KLRD1: variants seen among roughly 807,000 people sequenced by gnomAD.
KLRD1 encodes the protein killer cell lectin like receptor D1, also known as natural killer cells antigen CD94.
Under a neutral mutation model 22.6 loss-of-function variants are expected in KLRD1, and 21 were observed. That is an observed-to-expected ratio of 0.93 (90% confidence interval 0.66 to 1.34). The LOEUF is 1.34. Ranked by LOEUF, KLRD1 falls within the 40% of genes most tolerant of loss-of-function variation. The pLI, the probability that KLRD1 is intolerant of heterozygous loss-of-function variation, is 0.00. For synonymous variants in KLRD1, 59 were observed against 71.1 expected (o/e 0.83, Z 0.85); for missense variants, 183 against 208.6 (o/e 0.88, Z 0.76).
chr12:10,286,860 C>A (rs1335677177), intron 1 of KLRD1, among the ~76,000 whole-genome samples: 1 of 151,844 alleles, frequency 6.6e-6, no homozygotes, highest in African/African-American at 2.4e-5. Flanking sequence ...CACTGGGCAC[C>A]AGGTGCAGTG....
intron 1 of KLRD1, among the ~76,000 whole-genome samples, chr12:10,259,646 C>T (rs997266131): frequency 2.6e-5 from 4 of 152,198 alleles, no homozygotes; most frequent in Admixed American, 6.5e-5. Flanking sequence ...TTTGAGGTCT[C>T]ATCTGAGATC....
rs890768104 is a variant in KLRD1 at position 10,317,749 on chromosome 12, A to G, written c.*2956A>G. ...TGTATTAGTCCGTTCTTATGCTGCT[A>G]CTAAAGATATACCCAAGACTGGGAA... On this transcript the variant is annotated 3_prime_UTR_variant, in exon 6 of 6. Coordinates refer to ENST00000336164, the MANE Select transcript of KLRD1 (RefSeq NM_002262.5). 2 of 152,166 alleles carry G rather than the reference A, an allele frequency of 1.3e-5. No individual in the cohort carries two copies. Among genetic ancestry groups the G allele is most frequent in the Non-Finnish European group, 2.9e-5 (2 of 68,032 alleles). 9.4% of individuals were successfully genotyped at this position (152,166 alleles called of 1,614,324 possible).
At chr12:10,265,152 T>C (rs1335156438) in intron 1 of KLRD1, among the ~76,000 whole-genome samples, 2 of 152,168 alleles carry the variant, frequency 1.3e-5, no homozygotes, top group African/African-American at 4.8e-5. Flanking sequence ...CTAGAAATTA[T>C]TTTTTACTTT....
chr12:10,294,139 T>A (rs979300066), intron 1 of KLRD1, among the ~76,000 whole-genome samples: 1 of 152,238 alleles, frequency 6.6e-6, no homozygotes, highest in African/African-American at 2.4e-5. Flanking sequence ...TCTTTCTTGA[T>A]GAATATGGAC....
intron 1 of KLRD1, among the ~76,000 whole-genome samples, chr12:10,298,896 T>A (rs2137674679): frequency 6.6e-6 from 1 of 152,320 alleles, no homozygotes; most frequent in South Asian, 2.1e-4. Context: ...GACCCCAGAT[T>A]TCCCACTCCA....
At chr12:10,299,632 C>T (rs1013660621), upstream of KLRD1, among the ~76,000 whole-genome samples, 1 of 152,104 alleles carries the variant, frequency 6.6e-6, no homozygotes, top group Non-Finnish European at 1.5e-5. Context: ...GGTGGAGGGT[C>T]TTGTCTTAAT....
chr12:10,248,583 T>TTCCC (rs1274421037), intron 1 of KLRD1, among the ~76,000 whole-genome samples: 1 of 135,176 alleles, frequency 7.4e-6, no homozygotes, highest in Non-Finnish European at 1.6e-5. Context: ...CCTTCCTTCC[T>TTCCC]TCCCTTCTTT....
upstream of KLRD1, among the ~76,000 whole-genome samples, chr12:10,301,163 A>T (rs1481310423): frequency 2.0e-5 from 3 of 152,230 alleles, no homozygotes; most frequent in Non-Finnish European, 4.4e-5. Flanking sequence ...GCAATGATTA[A>T]GCCAGCTTGT....
chr12:10,276,429 G>A (rs965286074), intron 1 of KLRD1, among the ~76,000 whole-genome samples: 1 of 152,010 alleles, frequency 6.6e-6, no homozygotes, highest in South Asian at 2.1e-4. Flanking sequence ...TATCCTTTTG[G>A]CCTTTGCTCA....
At chr12:10,268,785 T>G (rs1027389508) in intron 1 of KLRD1, among the ~76,000 whole-genome samples, 1 of 152,228 alleles carries the variant, frequency 6.6e-6, no homozygotes, top group Non-Finnish European at 1.5e-5. Context: ...TGAAAGATAA[T>G]ATTTGCTGAA....
intron 3 of KLRD1, among the ~76,000 whole-genome samples, chr12:10,310,083 T>C (rs1166977801): frequency 1.3e-5 from 2 of 152,210 alleles, no homozygotes; most frequent in Non-Finnish European, 2.9e-5. Context: ...TTTCTAAACC[T>C]TACTTATCCA....
At chr12:10,260,230 A>G (rs1254062195) in intron 1 of KLRD1, among the ~76,000 whole-genome samples, 2 of 152,190 alleles carry the variant, frequency 1.3e-5, no homozygotes, top group African/African-American at 4.8e-5. Context: ...TTGTCAATCA[A>G]TAATCATATA....
At position 10,314,772 on chromosome 12, in the gene KLRD1, C is replaced by T; in HGVS notation, c.519C>T (p.Ile173=). The change falls in exon 6 of 6, where the codon ATC becomes ATT. Residue 173 remains isoleucine, a synonymous_variant. Coordinates refer to ENST00000336164, the MANE Select transcript of KLRD1 (RefSeq NM_002262.5). ...DESCEDKNRY[I]CKQQLI The stretch of plus-strand genomic sequence containing the variant: ...CCTGTGAAGATAAAAATCGTTATAT[C>T]TGTAAGCAACAGCTCATTTAAATGT... 1.2e-6 allele frequency: 2 copies of T among 1,605,904 alleles called. No homozygotes were observed. Among genetic ancestry groups the T allele is most frequent in the Non-Finnish European group, 1.7e-6 (2 of 1,177,464 alleles).
In KLRD1 at chr12:10,327,177, C is replaced by T. The variant is rs1950368986; in HGVS notation, c.*12384C>T. The T allele has an allele frequency of 6.6e-6, 1 of 152,166 alleles. No individual in the cohort carries two copies. Among genetic ancestry groups the T allele is most frequent in the Admixed American group, 6.5e-5 (1 of 15,278 alleles). The allele number at this position is 152,166 out of a possible 1,614,324, so 9.4% of individuals were successfully genotyped here. ...AAACTGTCATTTCCCCTTAAATAGT[C>T]CTGCCACCCAAAGACCGTTTAACCA... is the stretch of plus-strand genomic sequence containing the variant. On this transcript the variant is annotated 3_prime_UTR_variant, in exon 6 of 6. Coordinates refer to ENST00000336164, the MANE Select transcript of KLRD1 (RefSeq NM_002262.5).
At chr12:10,292,033 A>G (rs1195444053) in intron 1 of KLRD1, among the ~76,000 whole-genome samples, 1 of 152,030 alleles carries the variant, frequency 6.6e-6, no homozygotes, top group Non-Finnish European at 1.5e-5. Flanking sequence ...TTCTTTATTC[A>G]GTCTATCATT....
At chr12:10,240,981 G>A (rs1949236338) in intron 1 of KLRD1, among the ~76,000 whole-genome samples, 1 of 152,110 alleles carries the variant, frequency 6.6e-6, no homozygotes, top group South Asian at 2.1e-4. Flanking sequence ...TATATCCTGT[G>A]TATTGGTAGC....
chr12:10,308,130 A>T, intron 1 of KLRD1, 46 bp downstream of exon 1: 1 of 1,553,486 alleles, frequency 6.4e-7, no homozygotes, highest in Non-Finnish European at 8.9e-7. Flanking sequence ...CAGAAAAGCT[A>T]TTTCTTGGAT....
Position 10,327,958 on chromosome 12 carries a change from T to C in KLRD1, c.*13165T>C, listed in dbSNP as rs1413478904. ...TCCTTCATTCTATTAATGTGGTATA[T>C]TACATTAATTGATTTTGTATGTTAG... On this transcript the variant is annotated 3_prime_UTR_variant, in exon 6 of 6. Transcript: ENST00000336164. 3 of 152,178 alleles carry C rather than the reference T, an allele frequency of 2.0e-5. No individual in the cohort carries two copies. Among genetic ancestry groups the C allele is most frequent in the Non-Finnish European group, 2.9e-5 (2 of 68,018 alleles). The allele number at this position is 152,178 out of a possible 1,614,324, so 9.4% of individuals were successfully genotyped here.
Position 10,274,237 on chromosome 12 carries a change from G to A in KLRD1, c.-100-33741G>A, listed in dbSNP as rs192907737. The stretch of plus-strand genomic sequence containing the variant: ...AGAGGTTGTAGTGAGCTGAGATCGC[G>A]CCATTGCACTCCAGCCTGGGTGACA... On this transcript the variant is annotated intron_variant, in intron 1 of 5. Coordinates refer to the KLRD1 transcript ENST00000544747. Among the ~76,000 whole-genome samples, 35 of 152,112 alleles carry A rather than the reference G, an allele frequency of 2.3e-4. 1 individual carries two copies. Among genetic ancestry groups the A allele is most frequent in the Middle Eastern group, 3.4e-3 (1 of 294 alleles).
Sources: gnomAD v4.1 joint callset for allele counts (sites outside exome capture counted in the v4.1 genomes callset) on GRCh38, gnomAD v4.1.1 for gene constraint, MANE v1.5 for transcripts, NCBI Gene and HGNC (gene_info 2026-07-23, HGNC 2026-07-21) for gene names.